KDM6A: variants seen among roughly 807,000 people sequenced by gnomAD.
KDM6A encodes lysine-specific demethylase 6A.
KDM6A carries 11 observed loss-of-function variants against 117.6 expected under a neutral mutation model. The ratio of observed to expected loss-of-function variants is 0.09; its 90% CI spans 0.06 to 0.15. The LOEUF (loss-of-function observed/expected upper bound fraction) is 0.15. Among genes scored for constraint, KDM6A ranks in the 10% least tolerant of loss-of-function variants. The pLI, the probability that KDM6A is intolerant of heterozygous loss-of-function variation, is 1.00. For synonymous variants in KDM6A, 384 were observed against 396.1 expected (o/e 0.97, Z 0.36); for missense variants, 799 against 1,077.3 (o/e 0.74, Z 3.62).
chrX:45,012,196 GA>G (rs2041790302), intron 5 of KDM6A, among the ~76,000 whole-genome samples: 1 of 82,087 alleles, frequency 1.2e-5, no homozygotes, highest in African/African-American at 5.0e-5. Context: ...ACCCAATGTA[GA>G]TTTTTTTTTT....
chrX:44,954,240 A>G (rs139005890), intron 2 of KDM6A, among the ~76,000 whole-genome samples: 4,197 of 110,706 alleles, frequency 0.038, 208 homozygotes, highest in African/African-American at 0.13. Flanking sequence ...GCATTGCCGA[A>G]TACCCGCAAA....
chrX:45,108,214 G>A (rs749092094), intron 28 of KDM6A, among the ~76,000 whole-genome samples: 4 of 111,320 alleles, frequency 3.6e-5, no homozygotes, highest in Admixed American at 2.9e-4. Flanking sequence ...GATGAGAATC[G>A]GAGGTAGACT....
intron 27 of KDM6A, among the ~76,000 whole-genome samples, chrX:45,104,617 ATTACTGTGGACTCCATAAG>A: frequency 9.0e-6 from 1 of 111,034 alleles, no homozygotes; most frequent in Non-Finnish European, 1.9e-5. Context: ...GGACTTGCTC[ATTACTGTGGACTCCATAAG>A]AGCCTCTCTC....
chrX:45,060,510 T>C lies in KDM6A; in HGVS notation c.1330-99T>C, dbSNP rs771976063. ...ATCATTGCAATCAGCGATGTCCACA[T>C]AGCTTTGAAAAGTATGCAGCTTGTA... On this transcript the variant is annotated intron_variant, in intron 13 of 29. Transcript: ENST00000611820. 3 of 680,720 alleles carry C rather than the reference T, an allele frequency of 4.4e-6. No homozygotes were observed. The South Asian group carries it at 9.0e-5, about 20-fold the overall frequency. The allele number at this position is 680,720 out of a possible 1,213,427, so 56.1% of individuals were successfully genotyped here. A position where few individuals can be genotyped will look rare whatever the true frequency, so the allele number is the denominator to read the frequency against.
intron 25 of KDM6A, 147 bp from the exon 26 acceptor site, chrX:45,089,596 A>T: frequency 2.0e-6 from 1 of 488,033 alleles, no homozygotes; most frequent in Non-Finnish European, 3.6e-6. Flanking sequence ...CACTCTATAT[A>T]CATACAGCAG....
At chrX:45,070,804 T>C (rs2044790379) in intron 18 of KDM6A, among the ~76,000 whole-genome samples, 1 of 109,248 alleles carries the variant, frequency 9.2e-6, no homozygotes. Context: ...TTGAGAAAAC[T>C]GGACTGTTTG....
intron 8 of KDM6A, among the ~76,000 whole-genome samples, chrX:45,046,291 C>T (rs1315205724): frequency 3.6e-5 from 4 of 111,862 alleles, no homozygotes; most frequent in Non-Finnish European, 7.5e-5. Context: ...TTGCAGGTTA[C>T]TTTCTTATCG....
At chrX:45,090,245 TA>T (rs1252979735) in intron 26 of KDM6A, among the ~76,000 whole-genome samples, 1 of 112,299 alleles carries the variant, frequency 8.9e-6, no homozygotes, top group Non-Finnish European at 1.9e-5. Flanking sequence ...CTTTCACATT[TA>T]AAAAAATCTA....
At chrX:45,047,688 T>C (rs868256782) in intron 8 of KDM6A, among the ~76,000 whole-genome samples, 3,579 of 70,441 alleles carry the variant, frequency 0.051, 264 homozygotes, top group African/African-American at 0.18. Flanking sequence ...TTTTTTTTTT[T>C]TTTTTTTTTT....
chrX:45,042,285 GGGAGAGGGGAGAGGGGAGAGGGAGAGT>G (rs2043296278), intron 8 of KDM6A, among the ~76,000 whole-genome samples: 2 of 70,522 alleles, frequency 2.8e-5, no homozygotes, highest in Admixed American at 1.3e-4. Context: ...GAGGGGAGAG[GGGAGAGGGGAGAGGGGAGAGGGAGAGT>G]CATTTGATAA....
intron 2 of KDM6A, among the ~76,000 whole-genome samples, chrX:44,944,805 AG>A (rs1245641808): frequency 1.8e-5 from 2 of 111,953 alleles, no homozygotes; most frequent in Non-Finnish European, 3.8e-5. Flanking sequence ...TAGTTACAGG[AG>A]GGTATTTGGG....
chrX:45,063,977 A>G (rs1328767160), intron 17 of KDM6A, among the ~76,000 whole-genome samples, 160 bp downstream of exon 17: 1 of 112,067 alleles, frequency 8.9e-6, no homozygotes, highest in African/African-American at 3.2e-5. Flanking sequence ...ATGTACATAC[A>G]TGAGTATATC....
At chrX:44,874,268 T>C (rs1283387601) in intron 2 of KDM6A, among the ~76,000 whole-genome samples, 1 of 111,949 alleles carries the variant, frequency 8.9e-6, no homozygotes, top group Non-Finnish European at 1.9e-5. Context: ...TTACAGCTTT[T>C]TGAGGGTAGG....
At chrX:45,075,704 T>C (rs901240534) in intron 18 of KDM6A, among the ~76,000 whole-genome samples, 2 of 102,862 alleles carry the variant, frequency 1.9e-5, no homozygotes, top group Admixed American at 9.7e-5. Flanking sequence ...TGTAACACTT[T>C]GTTCAGTGTA....
intron 2 of KDM6A, among the ~76,000 whole-genome samples, chrX:44,913,442 GCACTCGCCAC>G (rs770291021): frequency 9.2e-6 from 1 of 108,670 alleles, no homozygotes; most frequent in East Asian, 2.9e-4. Flanking sequence ...GAGATTACAG[GCACTCGCCAC>G]CACGTCTGGC....
chrX:44,897,228 C>A (rs1461942569), intron 2 of KDM6A, among the ~76,000 whole-genome samples: 1 of 100,304 alleles, frequency 1.0e-5, no homozygotes, highest in African/African-American at 3.7e-5. Context: ...TCTATCATTT[C>A]CACTCTTTTA....
intron 8 of KDM6A, among the ~76,000 whole-genome samples, chrX:45,050,215 T>C (rs1244602417): frequency 8.9e-6 from 1 of 112,554 alleles, no homozygotes; most frequent in Non-Finnish European, 1.9e-5. Context: ...GGCACATGCC[T>C]ATAATCCCAG....
intron 8 of KDM6A, 117 bp from the exon 9 acceptor site, chrX:45,051,592 T>C (rs1270173111): frequency 2.2e-6 from 1 of 457,688 alleles, no homozygotes; most frequent in Non-Finnish European, 3.8e-6. Flanking sequence ...TCAGCACTTT[T>C]TTCTTTTAGT....
At chrX:44,944,076 G>T (rs1030487016) in intron 2 of KDM6A, among the ~76,000 whole-genome samples, 4 of 111,530 alleles carry the variant, frequency 3.6e-5, no homozygotes, top group African/African-American at 1.3e-4. Context: ...TGTGGGCCGG[G>T]CATGGTGGCT....
Sources: allele counts gnomAD v4.1 joint callset (sites outside exome capture counted in the v4.1 genomes callset), GRCh38; gene constraint gnomAD v4.1.1; transcripts MANE v1.5; gene names NCBI Gene and HGNC (gene_info 2026-07-23, HGNC 2026-07-21).